Variants in CLSTN2 observed in about 807,000 individuals in gnomAD.
The protein encoded by CLSTN2 is calsyntenin 2, also known as calsyntenin-2.
In CLSTN2, 48 loss-of-function variants were observed where a neutral mutation model predicts 101.2. The ratio of observed to expected loss-of-function variants is 0.47; its 90% CI spans 0.38 to 0.60. CLSTN2 has a LOEUF of 0.60. Ranked by LOEUF, CLSTN2 falls within the 20% of genes least tolerant of loss-of-function variation. CLSTN2 has a pLI of 0.00. For synonymous variants in CLSTN2, 481 were observed against 463.6 expected (o/e 1.04, Z -0.48); for missense variants, 1,160 against 1,238.2 (o/e 0.94, Z 0.95).
chr3:139,987,033 A>AG (rs1936036978), intron 1 of CLSTN2, among the ~76,000 whole-genome samples: 1 of 151,878 alleles, frequency 6.6e-6, no homozygotes, highest in Non-Finnish European at 1.5e-5. Flanking sequence ...GATGCTGTTA[A>AG]AAAAAAATTC....
At chr3:140,345,789 G>A (rs905034651) in intron 2 of CLSTN2, among the ~76,000 whole-genome samples, 1 of 152,042 alleles carries the variant, frequency 6.6e-6, no homozygotes, top group Admixed American at 6.6e-5. Flanking sequence ...TCAGACTTCA[G>A]CTTCTTCAGA....
At chr3:140,537,075 T>C (rs944970323) in intron 9 of CLSTN2, among the ~76,000 whole-genome samples, 1 of 152,254 alleles carries the variant, frequency 6.6e-6, no homozygotes, top group Admixed American at 6.5e-5. Flanking sequence ...AGTCCACTTA[T>C]ATACATAGTA....
Position 140,546,587 on chromosome 3 carries a change from G to A in CLSTN2, c.1580G>A (p.Gly527Asp), listed in dbSNP as rs1345981001. Reference sequence around the variant, plus strand: ...CTGGCCAGTCTCACCATCCGCCCTGGCAAAATGGAAAGCCAGAAGGTGATC... The same window carrying A: ...CTGGCCAGTCTCACCATCCGCCCTGACAAAATGGAAAGCCAGAAGGTGATC... ...GSLASLTIRP[G>D]KMESQKVISC... is the part of the protein sequence containing the mutation. Residue 527 changes from glycine (G) to aspartate (D), a missense_variant, in exon 10 of 17, where the codon GGC becomes GAC. Gly to Asp is a moderately conservative substitution (Grantham distance 94). Coordinates refer to ENST00000458420, the MANE Select transcript of CLSTN2 (RefSeq NM_022131.3). 6.2e-7 allele frequency: 1 copy of A among 1,614,102 alleles called. No individual in the cohort carries two copies. The highest frequency in any genetic ancestry group is 1.7e-5 in the Admixed American group (1 of 60,010).
intron 1 of CLSTN2, among the ~76,000 whole-genome samples, chr3:140,089,382 G>A (rs189500919): frequency 3.3e-5 from 5 of 152,208 alleles, no homozygotes; most frequent in Admixed American, 2.6e-4. Context: ...CACCTGAGTT[G>A]GCTCCCTCAG....
intron 1 of CLSTN2, among the ~76,000 whole-genome samples, chr3:140,120,538 CCT>C: frequency 6.6e-6 from 1 of 152,138 alleles, no homozygotes; most frequent in African/African-American, 2.4e-5. Flanking sequence ...CTTTTCAGCT[CCT>C]CTCCCCTCCC....
intron 2 of CLSTN2, among the ~76,000 whole-genome samples, chr3:140,264,157 C>T (rs2086675966): frequency 6.6e-6 from 1 of 151,714 alleles, no homozygotes; most frequent in South Asian, 2.1e-4. Flanking sequence ...ATGTCCTTTT[C>T]CTGGTCTATT....
intron 1 of CLSTN2, among the ~76,000 whole-genome samples, chr3:140,084,105 G>A (rs2008641780): frequency 6.6e-6 from 1 of 152,150 alleles, no homozygotes; most frequent in South Asian, 2.1e-4. Flanking sequence ...TAACCCTAGA[G>A]GAGTGGGAGG....
chr3:140,139,765 C>G (rs2009668886), intron 1 of CLSTN2, among the ~76,000 whole-genome samples: 2 of 152,216 alleles, frequency 1.3e-5, no homozygotes. Context: ...CACTCACATT[C>G]TTATTGGACT....
chr3:140,500,208 T>C (rs1299476590), intron 8 of CLSTN2, among the ~76,000 whole-genome samples: 3 of 152,216 alleles, frequency 2.0e-5, no homozygotes, highest in African/African-American at 7.2e-5. Flanking sequence ...CAAGTATCTT[T>C]TCTTTTGTCC....
chr3:140,178,522 T>A (rs2010358628), intron 2 of CLSTN2, among the ~76,000 whole-genome samples: 1 of 152,206 alleles, frequency 6.6e-6, no homozygotes, highest in South Asian at 2.1e-4. Context: ...TATACTTCTA[T>A]GATTTGCAGC....
At chr3:140,108,185 T>A (rs4642080) in intron 1 of CLSTN2, among the ~76,000 whole-genome samples, 18,403 of 152,250 alleles carry the variant, frequency 0.12, 1,366 homozygotes, top group South Asian at 0.24. Context: ...AACCACCATA[T>A]CATCAAGTTC....
intron 1 of CLSTN2, among the ~76,000 whole-genome samples, chr3:140,086,960 AAG>A (rs2008692439): frequency 6.6e-6 from 1 of 151,686 alleles, no homozygotes; most frequent in Non-Finnish European, 1.5e-5. Context: ...CTTTACAAAT[AAG>A]AGCTTTCACA....
chr3:140,060,569 G>A (rs988504102), intron 1 of CLSTN2, among the ~76,000 whole-genome samples: 1 of 152,134 alleles, frequency 6.6e-6, no homozygotes, highest in Non-Finnish European at 1.5e-5. Context: ...CCTGGCCCTC[G>A]GCAATGGGAA....
chr3:140,232,940 G>A (rs778339146), intron 2 of CLSTN2, among the ~76,000 whole-genome samples: 2 of 151,892 alleles, frequency 1.3e-5, no homozygotes, highest in East Asian at 1.9e-4. Context: ...CCCCTCCGTC[G>A]TGCCCTGCCT....
chr3:140,427,689 C>A (rs1197584419), intron 5 of CLSTN2, among the ~76,000 whole-genome samples: 2 of 152,092 alleles, frequency 1.3e-5, no homozygotes, highest in African/African-American at 4.8e-5. Context: ...TGCTAGATAG[C>A]CTGTGGGGAT....
chr3:140,027,111 C>T (rs2007437523), intron 1 of CLSTN2, among the ~76,000 whole-genome samples: 2 of 152,294 alleles, frequency 1.3e-5, no homozygotes, highest in South Asian at 4.1e-4. Flanking sequence ...AAATTGTCAG[C>T]CCAGGGCGTT....
At chr3:140,521,048 AT>A (rs57840726) in intron 8 of CLSTN2, among the ~76,000 whole-genome samples, 16,445 of 125,250 alleles carry the variant, frequency 0.13, 616 homozygotes, top group Admixed American at 0.15. Flanking sequence ...GCTTTTTTGC[AT>A]TTTTTTTTTT....
rs114826714 is a variant in CLSTN2 at position 140,100,468 on chromosome 3, G to A, written c.110-75483G>A. ...TCAAGAAAATGATTTAAAATGTTGC[G>A]TTCAGCATTCACTTTTAAACTCAAA... On this transcript the variant is annotated intron_variant, in intron 1 of 16. Coordinates refer to ENST00000458420, the MANE Select transcript of CLSTN2 (RefSeq NM_022131.3). Among the ~76,000 whole-genome samples, 312 of 152,258 alleles carry A rather than the reference G, an allele frequency of 2.0e-3. 2 individuals are homozygous for A. Among genetic ancestry groups the A allele is most frequent in the African/African-American group, 6.6e-3 (274 of 41,550 alleles).
chr3:140,335,963 G>A (rs1436797521), intron 2 of CLSTN2, among the ~76,000 whole-genome samples: 1 of 152,158 alleles, frequency 6.6e-6, no homozygotes, highest in Admixed American at 6.5e-5. Flanking sequence ...GGGGCTCCAA[G>A]CCACACCAAG....
Sources: allele counts gnomAD v4.1 joint callset (sites outside exome capture counted in the v4.1 genomes callset), GRCh38; gene constraint gnomAD v4.1.1; transcripts MANE v1.5; gene names NCBI Gene and HGNC (gene_info 2026-07-23, HGNC 2026-07-21).